The following RSPO4 variants were observed in gnomAD, a reference collection of about 807,000 sequenced individuals.
RSPO4 encodes R-spondin-4.
In RSPO4, 23 loss-of-function variants were observed where a neutral mutation model predicts 24.8. The observed-to-expected ratio is 0.93, with a 90% CI of 0.67 to 1.31. The LOEUF (loss-of-function observed/expected upper bound fraction) is 1.31. Ranked by LOEUF, RSPO4 falls within the 40% of genes most tolerant of loss-of-function variation. The pLI is 0.00. For missense variants in RSPO4, 333 were observed against 316.5 expected, an observed-to-expected ratio of 1.05 and a Z score of -0.39; for synonymous variants, 141 against 127.4, an observed-to-expected ratio of 1.11 and a Z score of -0.72.
At chr20:960,985 GC>G (rs978538267) in intron 4 of RSPO4, among the ~76,000 whole-genome samples, 5 of 152,214 alleles carry the variant, frequency 3.3e-5, no homozygotes, top group African/African-American at 1.2e-4. Context: ...ACTCACAACA[GC>G]CGAGAGAGGC....
At chr20:993,650 C>T (rs936808491) in intron 1 of RSPO4, among the ~76,000 whole-genome samples, 18 of 152,278 alleles carry the variant, frequency 1.2e-4, no homozygotes, top group Non-Finnish European at 2.1e-4. Flanking sequence ...TGGTTATGGA[C>T]TCAGGCTTTG....
At chr20:968,214 A>T in intron 1 of RSPO4, 76 bp from the exon 2 acceptor site, 1 of 1,389,074 alleles carries the variant, frequency 7.2e-7, no homozygotes, top group Non-Finnish European at 1.0e-6. Context: ...AGCAGCTGAG[A>T]TGGTCTCATT....
At chr20:974,235 A>T (rs1984495115) in intron 1 of RSPO4, among the ~76,000 whole-genome samples, 1 of 152,220 alleles carries the variant, frequency 6.6e-6, no homozygotes, top group African/African-American at 2.4e-5. Flanking sequence ...AGAATTTTGG[A>T]AGTGTCTTCC....
At chr20:985,481 A>G (rs1393285330) in intron 1 of RSPO4, among the ~76,000 whole-genome samples, 1 of 152,254 alleles carries the variant, frequency 6.6e-6, no homozygotes, top group Non-Finnish European at 1.5e-5. Context: ...CTGGATTGGA[A>G]ATGTAAATTT....
chr20:968,184 A>G, intron 1 of RSPO4, 46 bp from the exon 2 acceptor site: 2 of 1,573,746 alleles, frequency 1.3e-6, no homozygotes, highest in Non-Finnish European at 1.7e-6. Context: ...GGAGAGAGAG[A>G]TGGTCAAACC....
At chr20:993,967 C>G (rs1033154897) in intron 1 of RSPO4, among the ~76,000 whole-genome samples, 4 of 152,196 alleles carry the variant, frequency 2.6e-5, no homozygotes, top group Non-Finnish European at 5.9e-5. Flanking sequence ...GGCAAAGTTA[C>G]TTAACCTTCC....
At chr20:978,408 C>A (rs1984634607) in intron 1 of RSPO4, among the ~76,000 whole-genome samples, 1 of 152,218 alleles carries the variant, frequency 6.6e-6, no homozygotes, top group Admixed American at 6.5e-5. Flanking sequence ...ATGAGAGATG[C>A]TCCTTTGAGG....
chr20:992,515 C>G (rs1353659190), intron 1 of RSPO4, among the ~76,000 whole-genome samples: 1 of 152,108 alleles, frequency 6.6e-6, no homozygotes, highest in African/African-American at 2.4e-5. Context: ...GTTCTGTACA[C>G]TAGGAAGAGC....
intron 1 of RSPO4, among the ~76,000 whole-genome samples, chr20:998,522 G>A (rs536052448): frequency 7.9e-5 from 12 of 152,334 alleles, no homozygotes; most frequent in Non-Finnish European, 1.5e-4. Flanking sequence ...AAGACGCAGT[G>A]ACGCCGGAGC....
intron 3 of RSPO4, among the ~76,000 whole-genome samples, chr20:964,907 C>A (rs1263786444): frequency 6.6e-6 from 1 of 151,524 alleles, no homozygotes; most frequent in Non-Finnish European, 1.5e-5. Context: ...GCTATGAATA[C>A]TCCTATTTTG....
intron 1 of RSPO4, among the ~76,000 whole-genome samples, chr20:986,190 C>A (rs1407211047): frequency 6.6e-6 from 1 of 152,142 alleles, no homozygotes; most frequent in Non-Finnish European, 1.5e-5. Flanking sequence ...CACCTGTGTA[C>A]CAATTAGGCA....
chr20:1,002,211 C>A lies in RSPO4; in HGVS notation c.-47G>T. The A allele has an allele frequency of 7.1e-7, 1 of 1,406,750 alleles. No individual in the cohort carries two copies. Among genetic ancestry groups the A allele is most frequent in the Non-Finnish European group, 9.4e-7 (1 of 1,059,962 alleles). The allele number at this position is 1,406,750 out of a possible 1,614,324, so 87.1% of individuals were successfully genotyped here. On this transcript the variant is annotated 5_prime_UTR_variant, in exon 1 of 5. Transcript: ENST00000217260. This position sits in a 1 kb window ranked among gnomAD's most constrained non-coding sequence, Gnocchi z 4.6. ...GGCGCTCCCCAGGCGGCCCGACGGC[C>A]CAAGGGCCCCACGTCCCGGCGGCGG...
intron 1 of RSPO4, among the ~76,000 whole-genome samples, chr20:972,157 C>T (rs183298620): frequency 5.3e-5 from 8 of 152,228 alleles, no homozygotes; most frequent in African/African-American, 1.2e-4. Flanking sequence ...CTAGACTTCC[C>T]GGGCTCAAGC....
At chr20:963,811 AGT>A (rs1984082249) in intron 4 of RSPO4, 122 bp downstream of exon 4, 2 of 969,294 alleles carry the variant, frequency 2.1e-6, no homozygotes, top group East Asian at 4.9e-5. Flanking sequence ...TCCACATGAT[AGT>A]ATGGCTAATG....
chr20:1,002,170 C>T lies in RSPO4; in HGVS notation c.-6G>A. 1.3e-6 allele frequency: 2 copies of T among 1,538,090 alleles called. No individual in the cohort carries two copies. Among genetic ancestry groups the T allele is most frequent in the Non-Finnish European group, 1.8e-6 (2 of 1,142,844 alleles). On this transcript the variant is annotated 5_prime_UTR_variant, in exon 1 of 5. Transcript: ENST00000217260. The surrounding 1 kb of genome is among the most constrained non-coding windows in gnomAD (Gnocchi z 4.6). ...AGGCAGAGTGGCGCCCGCATCTGGG[C>T]AGCCGGATCCGGGCTGGCGCTCCCC...
At chr20:978,251 T>C (rs920574607) in intron 1 of RSPO4, among the ~76,000 whole-genome samples, 1 of 152,168 alleles carries the variant, frequency 6.6e-6, no homozygotes, top group Non-Finnish European at 1.5e-5. Context: ...GCTTTACTGT[T>C]CTGAGCCTTG....
intron 4 of RSPO4, among the ~76,000 whole-genome samples, chr20:962,981 T>A (rs940027435): frequency 2.0e-5 from 3 of 152,224 alleles, no homozygotes; most frequent in Admixed American, 2.0e-4. Flanking sequence ...TTATAGAGAA[T>A]TCGGCACAGT....
At chr20:960,521 G>A in intron 4 of RSPO4, 55 bp from the exon 5 acceptor site, 1 of 1,320,996 alleles carries the variant, frequency 7.6e-7, no homozygotes, top group Non-Finnish European at 1.1e-6. Context: ...GTTAGGTCCT[G>A]GGAGCCTCCT....
Position 964,011 on chromosome 20 carries a change from A to G in RSPO4, c.519T>C (p.Ala173=), listed in dbSNP as rs1169439784. 2.5e-6 allele frequency: 4 copies of G among 1,613,658 alleles called. No homozygotes were observed. The African/African-American group carries it at 5.3e-5, about 22-fold the overall frequency. ...GGCAGGTGGCTGCCTCCTCATGCCC[A>G]GCCCGGCCAGCCTCTCGTACCCGGC... ...LESRVREAGR[A]GHEEAATCQV... is the part of the protein sequence containing the mutation. The change falls in exon 4 of 5, where the codon GCT becomes GCC. Residue 173 remains alanine (A), a synonymous_variant. Transcript: ENST00000217260.
Sources: allele counts gnomAD v4.1 joint callset (sites outside exome capture counted in the v4.1 genomes callset), GRCh38; gene constraint gnomAD v4.1.1; non-coding constraint Gnocchi (gnomAD v3.1); transcripts MANE v1.5; gene names NCBI Gene and HGNC (gene_info 2026-07-23, HGNC 2026-07-21).